Variants in AGBL1 observed in about 807,000 individuals in gnomAD.
AGBL1 encodes AGBL carboxypeptidase 1, also known as cytosolic carboxypeptidase 4.
AGBL1 carries 130 observed loss-of-function variants against 118.9 expected under a neutral mutation model. The ratio of observed to expected loss-of-function variants is 1.09; its 90% CI spans 0.95 to 1.26. AGBL1 has a LOEUF of 1.26. Among genes scored for constraint, AGBL1 ranks in the 50% most tolerant of loss-of-function variants. The pLI is 0.00. For synonymous variants in AGBL1, 555 were observed against 478.9 expected (o/e 1.16, Z -2.08); for missense variants, 1,584 against 1,298.1 (o/e 1.22, Z -3.38).
Position 86,735,047 on chromosome 15 carries a change from A to AAT in AGBL1, c.3158+60612_3158+60613insTA, listed in dbSNP as rs1261366586. On this transcript the variant is annotated intron_variant, in intron 22 of 22. Transcript: ENST00000614907. The stretch of plus-strand genomic sequence containing the variant: ...ATAGGCATCATACTCAGTGTGAAAT[A>AAT]AAGATGTTGTTTCTTGGCATATAGT... 7.2e-3 allele frequency among the ~76,000 whole-genome samples: 1,094 copies of AAT among 151,720 alleles called. 4 individuals carry two copies. Among genetic ancestry groups the AAT allele is most frequent in the African/African-American group, 0.022 (930 of 41,388 alleles).
chr15:86,270,090 G>T (rs145432086), intron 14 of AGBL1, 23 bp downstream of exon 14: 1 of 1,598,668 alleles, frequency 6.3e-7, no homozygotes, highest in South Asian at 1.1e-5. Context: ...GGGGAGCAGG[G>T]GCTTTCTGGA....
At chr15:87,000,716 T>C (rs2081428365) in intron 24 of AGBL1, among the ~76,000 whole-genome samples, 3 of 117,542 alleles carry the variant, frequency 2.6e-5, no homozygotes, top group East Asian at 2.5e-4. Flanking sequence ...TGCGGGCTCT[T>C]TTTTGGTTCC....
chr15:86,750,749 T>C (rs188063490), intron 22 of AGBL1, among the ~76,000 whole-genome samples: 1 of 152,214 alleles, frequency 6.6e-6, no homozygotes, highest in East Asian at 1.9e-4. Flanking sequence ...GTATTAAGCC[T>C]AGTACCTCTT....
chr15:86,304,890 CTG>C (rs928978587), intron 17 of AGBL1: 1 of 152,242 alleles, frequency 6.6e-6, no homozygotes, highest in Admixed American at 6.5e-5. Flanking sequence ...CTCTCCAAAA[CTG>C]TGCCACACAT....
rs2080951288 is a variant in AGBL1 at position 86,958,149 on chromosome 15, A to C, written c.3222-29838A>C. ...GAGCTAAAGAATTGGAGGCTGCAGT[A>C]AGCTATGATTGTGCCACTGCACTCC... On this transcript the variant is annotated intron_variant, in intron 23 of 24. Transcript: ENST00000441037. 1.3e-5 allele frequency among the ~76,000 whole-genome samples: 2 copies of C among 151,658 alleles called. 1 individual carries two copies. Among genetic ancestry groups the C allele is most frequent in the Admixed American group, 1.3e-4 (2 of 15,192 alleles).
intron 17 of AGBL1, among the ~76,000 whole-genome samples, chr15:86,321,754 G>A (rs575957871): frequency 4.2e-4 from 63 of 150,074 alleles, no homozygotes; most frequent in African/African-American, 1.6e-3. Context: ...TCCAGCCTGG[G>A]CAATGAAGTG....
rs114992033 is a variant in AGBL1 at position 86,988,052 on chromosome 15, A to G, written c.3287A>G (p.Asn1096Ser). Reference sequence around the variant, plus strand: ...GCTTACCACTTTTTTGCCATTACAAACTTTTTCAAGATGAACCTTCTTCTG... The same window carrying G: ...GCTTACCACTTTTTTGCCATTACAAGCTTTTTCAAGATGAACCTTCTTCTG... Residue 1096 changes from asparagine to serine, a missense_variant, in exon 24 of 25, where the codon AAC becomes AGC. Asn to Ser is a conservative substitution (Grantham distance 46). Coordinates refer to the AGBL1 transcript ENST00000441037. 3.8e-3 allele frequency: 6,199 copies of G among 1,613,578 alleles called. 22 individuals carry two copies. Among genetic ancestry groups the G allele is most frequent in the Middle Eastern group, 0.021 (127 of 6,062 alleles).
chr15:86,795,435 T>C (rs2078555485), intron 22 of AGBL1, among the ~76,000 whole-genome samples: 4 of 152,104 alleles, frequency 2.6e-5, no homozygotes, highest in Middle Eastern at 6.8e-3. Context: ...TCCCATTACC[T>C]GGGATGGGGA....
chr15:86,535,208 C>T (rs184218662), intron 19 of AGBL1, among the ~76,000 whole-genome samples: 1 of 152,326 alleles, frequency 6.6e-6, no homozygotes, highest in Admixed American at 6.5e-5. Context: ...TCAGAAAGAT[C>T]CAGCCAGAGA....
At chr15:86,212,994 C>G (rs533516610) in intron 5 of AGBL1, among the ~76,000 whole-genome samples, 1 of 152,146 alleles carries the variant, frequency 6.6e-6, no homozygotes, top group African/African-American at 2.4e-5. Flanking sequence ...GTTTTAATGA[C>G]GATCTTAATT....
chr15:86,922,703 A>C (rs2080492931), intron 23 of AGBL1, among the ~76,000 whole-genome samples: 1 of 152,256 alleles, frequency 6.6e-6, no homozygotes, highest in Non-Finnish European at 1.5e-5. Context: ...ATCAAGTATG[A>C]TCAAGAAATA....
At chr15:86,640,017 G>A (rs1355838685) in intron 21 of AGBL1, among the ~76,000 whole-genome samples, 2 of 152,152 alleles carry the variant, frequency 1.3e-5, no homozygotes, top group Admixed American at 1.3e-4. Flanking sequence ...GTGGACTGGT[G>A]TGATTGAAAG....
intron 22 of AGBL1, among the ~76,000 whole-genome samples, chr15:86,676,001 GTTA>G (rs1258427750): frequency 6.6e-6 from 1 of 152,092 alleles, no homozygotes; most frequent in African/African-American, 2.4e-5. Context: ...TGCTATATAG[GTTA>G]TTATAAGGAG....
chr15:86,133,871 T>G (rs2076851214), intron 1 of AGBL1, among the ~76,000 whole-genome samples: 1 of 152,234 alleles, frequency 6.6e-6, no homozygotes. Context: ...TATCTTAACA[T>G]TTTGTTACAA....
intron 16 of AGBL1, among the ~76,000 whole-genome samples, chr15:86,289,815 A>G (rs1215139520): frequency 6.6e-6 from 1 of 152,194 alleles, no homozygotes; most frequent in Non-Finnish European, 1.5e-5. Context: ...TCCTCATCTC[A>G]AATTTCCTAA....
chr15:86,836,532 G>T, intron 22 of AGBL1, among the ~76,000 whole-genome samples: 1 of 152,092 alleles, frequency 6.6e-6, no homozygotes, highest in Non-Finnish European at 1.5e-5. Context: ...CCAACAGTCT[G>T]TTCTCACCCC....
intron 1 of AGBL1, among the ~76,000 whole-genome samples, chr15:86,131,277 T>G (rs559693630): frequency 3.5e-4 from 54 of 152,306 alleles, no homozygotes; most frequent in African/African-American, 1.3e-3. Flanking sequence ...ATAAGAGAGT[T>G]ACTGAAATTG....
intron 18 of AGBL1, among the ~76,000 whole-genome samples, chr15:86,481,287 C>CCA (rs1244039017): frequency 4.2e-5 from 3 of 71,704 alleles, no homozygotes; most frequent in South Asian, 6.8e-4. Flanking sequence ...ATATTTTAAA[C>CCA]CAGTTTATGA....
At chr15:86,882,584 G>C (rs574419726) in intron 22 of AGBL1, among the ~76,000 whole-genome samples, 1 of 152,226 alleles carries the variant, frequency 6.6e-6, no homozygotes, top group East Asian at 1.9e-4. Context: ...AACCAACTGG[G>C]CTTGTCTGAA....
Sources: gnomAD v4.1 joint callset for allele counts (sites outside exome capture counted in the v4.1 genomes callset) on GRCh38, gnomAD v4.1.1 for gene constraint, MANE v1.5 for transcripts, NCBI Gene and HGNC (gene_info 2026-07-23, HGNC 2026-07-21) for gene names.